The following TMEM41B variants were observed in gnomAD, a reference collection of about 807,000 sequenced individuals.
TMEM41B encodes protein stasimon.
TMEM41B carries 18 observed loss-of-function variants against 31.9 expected under a neutral mutation model. The observed-to-expected ratio is 0.56, with a 90% CI of 0.39 to 0.84. TMEM41B has a LOEUF of 0.84. Among genes scored for constraint, TMEM41B ranks in the 40% least tolerant of loss-of-function variants. TMEM41B has a pLI of 0.00. For missense variants in TMEM41B, 322 were observed against 348.0 expected (o/e 0.93, Z 0.59); for synonymous variants, 144 against 124.3 (o/e 1.16, Z -1.05).
At chr11:9,293,761 T>G (rs1853011764) in intron 3 of TMEM41B, among the ~76,000 whole-genome samples, 1 of 152,020 alleles carries the variant, frequency 6.6e-6, no homozygotes, top group Admixed American at 6.6e-5. Flanking sequence ...TTTTGTATTT[T>G]TAGTAAAGAT....
intron 1 of TMEM41B, among the ~76,000 whole-genome samples, chr11:9,310,851 C>G (rs1168089913): frequency 6.6e-6 from 1 of 152,038 alleles, no homozygotes; most frequent in Non-Finnish European, 1.5e-5. Flanking sequence ...CAACAAAAGG[C>G]CTGCTGGGGA....
intron 3 of TMEM41B, among the ~76,000 whole-genome samples, chr11:9,291,629 C>T (rs1031803767): frequency 2.0e-5 from 3 of 151,762 alleles, no homozygotes; most frequent in African/African-American, 7.3e-5. Flanking sequence ...CTCCATCTCC[C>T]GATCTCGTGA....
At chr11:9,287,452 G>T (rs1451847399) in intron 5 of TMEM41B, among the ~76,000 whole-genome samples, 2 of 152,190 alleles carry the variant, frequency 1.3e-5, no homozygotes, top group Non-Finnish European at 2.9e-5. Flanking sequence ...CTTCTCTGCT[G>T]ATTAAATTTA....
rs768651803 is a variant in TMEM41B at position 9,286,601 on chromosome 11, A to G, written c.568-8T>C. ...TTCTCTATGACGTTCAACCTGTCAT[A>G]AGAAAGAAAAGAATTAGCATCAGAT... On this transcript the variant is annotated splice_polypyrimidine_tract_variant and splice_region_variant and intron_variant, in intron 5 of 6. Transcript: ENST00000528080. 3.2e-6 allele frequency: 5 copies of G among 1,586,140 alleles called. No individual in the cohort carries two copies. The Admixed American group carries it at 9.5e-5, about 30-fold the overall frequency.
At chr11:9,287,086 A>G (rs1564959801) in intron 5 of TMEM41B, among the ~76,000 whole-genome samples, 1 of 152,016 alleles carries the variant, frequency 6.6e-6, no homozygotes, top group Non-Finnish European at 1.5e-5. Context: ...CAGGTGGGTC[A>G]CCTGAGGTCT....
intron 6 of TMEM41B, among the ~76,000 whole-genome samples, chr11:9,285,509 A>T (rs1852817265): frequency 6.6e-6 from 1 of 152,110 alleles, no homozygotes; most frequent in South Asian, 2.1e-4. Context: ...CGTATTTTTG[A>T]CTTCTAAACA....
At chr11:9,305,444 T>C (rs1214956546) in intron 1 of TMEM41B, among the ~76,000 whole-genome samples, 1 of 152,010 alleles carries the variant, frequency 6.6e-6, no homozygotes, top group African/African-American at 2.4e-5. Context: ...ACTAAAAATA[T>C]AAAAAATTAG....
chr11:9,314,383 A>G lies in TMEM41B; in HGVS notation c.59T>C (p.Val20Ala). The G allele has an allele frequency of 1.9e-6, 3 of 1,576,548 alleles. No homozygotes were observed. The highest frequency in any genetic ancestry group is 2.4e-5 in the East Asian group (1 of 42,174). Residue 20 changes from valine (V) to alanine (A), a missense_variant, in exon 1 of 7, where the codon GTG becomes GCG. Val to Ala is a moderately conservative substitution (Grantham distance 64). Coordinates refer to ENST00000528080, the MANE Select transcript of TMEM41B (RefSeq NM_015012.4). Reference protein sequence around the residue: ...SQLGAHHTTPVGDGAAGTRGL... With the variant: ...SQLGAHHTTPAGDGAAGTRGL... ...CCGCGTCCCCGCTGCCCCGTCCCCCACGGGGGTCGTGTGGTGAGCGCCCAA... is the reference window on the plus strand; with the variant it reads ...CCGCGTCCCCGCTGCCCCGTCCCCCGCGGGGGTCGTGTGGTGAGCGCCCAA...
chr11:9,309,739 G>A (rs1398070972), intron 1 of TMEM41B, among the ~76,000 whole-genome samples: 1 of 151,068 alleles, frequency 6.6e-6, no homozygotes, highest in Non-Finnish European at 1.5e-5. Flanking sequence ...TGGCTAACAT[G>A]GTGAAACCCC....
intron 2 of TMEM41B, among the ~76,000 whole-genome samples, chr11:9,297,521 A>C (rs1853127512): frequency 1.3e-5 from 2 of 151,994 alleles, no homozygotes; most frequent in Non-Finnish European, 2.9e-5. Context: ...GTGAAACCCC[A>C]TCTCTACTAA....
intron 1 of TMEM41B, among the ~76,000 whole-genome samples, chr11:9,309,052 A>G (rs1165311140): frequency 6.6e-6 from 1 of 152,142 alleles, no homozygotes; most frequent in East Asian, 1.9e-4. Flanking sequence ...GTTCAAGACC[A>G]GCCTGGCCAA....
Position 9,302,243 on chromosome 11 carries a change from T to C in TMEM41B, c.122-2542A>G, listed in dbSNP as rs1429299852. On this transcript the variant is annotated intron_variant, in intron 1 of 6. Coordinates refer to ENST00000528080, the MANE Select transcript of TMEM41B (RefSeq NM_015012.4). ...CCAGGATGGTCTTATCTCCTGATCT[T>C]GTGATCCACCCGCCTCGGCCTCCCA... Among the ~76,000 whole-genome samples the C allele has an allele frequency of 5.0e-5, 5 of 99,312 alleles. 2 individuals are homozygous for C. Among genetic ancestry groups the C allele is most frequent in the South Asian group, 6.2e-4 (2 of 3,208 alleles). 65.2% of individuals were successfully genotyped at this position (99,312 alleles called of 152,430 possible). A position where few individuals can be genotyped will look rare whatever the true frequency, so the allele number is the denominator to read the frequency against.
chr11:9,304,764 T>C (rs190372418), intron 1 of TMEM41B, among the ~76,000 whole-genome samples: 611 of 152,228 alleles, frequency 4.0e-3, no homozygotes, highest in Non-Finnish European at 7.0e-3. Context: ...TTCAAGCAAT[T>C]TTCCTGCCTC....
chr11:9,314,509 T>G lies in TMEM41B; in HGVS notation c.-68A>C. On this transcript the variant is annotated 5_prime_UTR_variant, in exon 1 of 7. Transcript: ENST00000528080. ...TAAACAACAAAACTCTGTTGCAGGC[T>G]CCTTACTACGCCGAAGCGCCACGGC... 3 of 1,487,958 alleles carry G rather than the reference T, an allele frequency of 2.0e-6. No individual in the cohort carries two copies. The highest frequency in any genetic ancestry group is 2.7e-6 in the Non-Finnish European group (3 of 1,114,628). The allele number at this position is 1,487,958 out of a possible 1,614,324, so 92.2% of individuals were successfully genotyped here.
chr11:9,283,848 G>T (rs1290239912), intron 6 of TMEM41B, among the ~76,000 whole-genome samples: 1 of 151,178 alleles, frequency 6.6e-6, no homozygotes, highest in African/African-American at 2.4e-5. Context: ...ACGATGGCGC[G>T]ATCTTGGCTC....
Position 9,289,027 on chromosome 11 carries a change from G to A in TMEM41B, c.369-492C>T, listed in dbSNP as rs556301935. Reference sequence around the variant, plus strand: ...AAAAGTCACAAATCTTATTTGAGAAGGGGTCTTGCTTTGTCACCCAGGCTG... The same window carrying A: ...AAAAGTCACAAATCTTATTTGAGAAAGGGTCTTGCTTTGTCACCCAGGCTG... On this transcript the variant is annotated intron_variant, in intron 3 of 6. Coordinates refer to ENST00000528080, the MANE Select transcript of TMEM41B (RefSeq NM_015012.4). 2.6e-5 allele frequency among the ~76,000 whole-genome samples: 4 copies of A among 152,298 alleles called. No individual in the cohort carries two copies. In the South Asian group the frequency reaches 8.3e-4, roughly 32 times the overall value.
rs558619225 is a variant in TMEM41B, at chr11:9,297,140, A to G, written c.240-1753T>C. On this transcript the variant is annotated intron_variant, in intron 2 of 6. Transcript: ENST00000528080. ...TGCTCTGTCGCCCAGGTTGGAGTGC[A>G]GTGGCGTGATCTCGGCCCACTGCAA... 2.4e-4 allele frequency among the ~76,000 whole-genome samples: 36 copies of G among 152,208 alleles called. 1 individual carries two copies. In the South Asian group the frequency reaches 6.8e-3, roughly 29 times the overall value.
intron 1 of TMEM41B, among the ~76,000 whole-genome samples, chr11:9,312,631 C>CGTG (rs781342068): frequency 6.6e-5 from 10 of 152,116 alleles, no homozygotes; most frequent in Admixed American, 1.3e-4. Flanking sequence ...GTAGGCCAGG[C>CGTG]GTGGTGGCTC....
chr11:9,301,511 C>G (rs1378187308), intron 1 of TMEM41B, among the ~76,000 whole-genome samples: 1 of 152,046 alleles, frequency 6.6e-6, no homozygotes, highest in East Asian at 1.9e-4. Flanking sequence ...TTAGCAAATC[C>G]TTCTTCATAA....
Sources: allele counts gnomAD v4.1 joint callset (sites outside exome capture counted in the v4.1 genomes callset), GRCh38; gene constraint gnomAD v4.1.1; transcripts MANE v1.5; gene names NCBI Gene and HGNC (gene_info 2026-07-23, HGNC 2026-07-21).